CSMD3: variants seen among roughly 807,000 people sequenced by gnomAD.
CSMD3 encodes the protein CUB and sushi domain-containing protein 3.
Under a neutral mutation model 435.2 loss-of-function variants are expected in CSMD3, and 177 were observed. The ratio of observed to expected loss-of-function variants is 0.41; its 90% confidence interval spans 0.36 to 0.46. The LOEUF is 0.46. CSMD3 is among the 20% of genes least tolerant of loss of function. CSMD3 has a pLI of 0.34. For missense variants in CSMD3, 4,265 were observed against 4,504.6 expected (o/e 0.95, Z 1.52); for synonymous variants, 1,656 against 1,520.5 (o/e 1.09, Z -2.07).
intron 32 of CSMD3, among the ~76,000 whole-genome samples, chr8:112,448,423 A>C (rs1385322059): frequency 6.6e-6 from 1 of 152,126 alleles, no homozygotes; most frequent in Non-Finnish European, 1.5e-5. Context: ...GTGTCTTTAT[A>C]AGGAAAGGAA....
chr8:112,843,556 G>A (rs2080238637), intron 11 of CSMD3, among the ~76,000 whole-genome samples: 1 of 151,838 alleles, frequency 6.6e-6, no homozygotes, highest in South Asian at 2.1e-4. Context: ...TTCTAGAGTG[G>A]GCCAAATCTA....
intron 1 of CSMD3, among the ~76,000 whole-genome samples, chr8:113,392,765 TG>T (rs1210486669): frequency 6.6e-6 from 1 of 152,074 alleles, no homozygotes; most frequent in East Asian, 1.9e-4. Context: ...TAATATTTTA[TG>T]TTATAATTTA....
intron 5 of CSMD3, among the ~76,000 whole-genome samples, chr8:113,095,410 A>T (rs2131531465): frequency 6.6e-6 from 1 of 152,230 alleles, no homozygotes; most frequent in Admixed American, 6.5e-5. Context: ...CTCTTCTCCA[A>T]TTCTTTCTTC....
chr8:112,497,152 A>G (rs1821433883), intron 30 of CSMD3, among the ~76,000 whole-genome samples: 1 of 152,098 alleles, frequency 6.6e-6, no homozygotes, highest in South Asian at 2.1e-4. Context: ...TGTGGGAGAT[A>G]AAAATTGAAA....
At chr8:112,979,180 A>C (rs556610513) in intron 6 of CSMD3, among the ~76,000 whole-genome samples, 94 of 151,990 alleles carry the variant, frequency 6.2e-4, no homozygotes, top group Non-Finnish European at 1.2e-3. Context: ...TGTTAGTATA[A>C]AATAGATTTA....
chr8:112,569,235 A>G lies in CSMD3; in HGVS notation c.4042+4266T>C, dbSNP rs558253420. 2.6e-5 allele frequency among the ~76,000 whole-genome samples: 4 copies of G among 152,158 alleles called. No individual in the cohort carries two copies. In the South Asian group the frequency reaches 8.3e-4, roughly 32 times the overall value. ...CCAACTTGTGACCATGTCACCACAA[A>G]CATGAAAATAAAAAGTGAACCCTCT... is the stretch of plus-strand genomic sequence containing the variant. On this transcript the variant is annotated intron_variant, in intron 24 of 70. Transcript: ENST00000297405.
intron 32 of CSMD3, among the ~76,000 whole-genome samples, chr8:112,429,859 T>A (rs1015554263): frequency 1.3e-5 from 2 of 151,982 alleles, no homozygotes; most frequent in African/African-American, 4.8e-5. Context: ...TAATAAAAAC[T>A]TAAAGTTTAA....
intron 27 of CSMD3, 142 bp from the exon 28 acceptor site, chr8:112,517,367 A>T: frequency 1.6e-6 from 1 of 625,442 alleles, no homozygotes; most frequent in Non-Finnish European, 2.8e-6. Flanking sequence ...TCCATATTTT[A>T]AATAATTTAT....
At chr8:113,377,881 T>C (rs1464034726) in intron 1 of CSMD3, among the ~76,000 whole-genome samples, 1 of 152,196 alleles carries the variant, frequency 6.6e-6, no homozygotes, top group African/African-American at 2.4e-5. Flanking sequence ...TATTAAAATA[T>C]ATTTTCTAAA....
chr8:112,791,951 A>G (rs542971045), intron 13 of CSMD3, among the ~76,000 whole-genome samples: 9 of 152,266 alleles, frequency 5.9e-5, no homozygotes, highest in African/African-American at 2.2e-4. Flanking sequence ...TGTAATTTAC[A>G]TTACCTTAAT....
intron 20 of CSMD3, among the ~76,000 whole-genome samples, chr8:112,642,371 T>C (rs182765440): frequency 3.3e-5 from 5 of 152,268 alleles, no homozygotes; most frequent in East Asian, 3.9e-4. Context: ...ATGGTGTCCT[T>C]GTAAATAAGG....
At chr8:112,787,718 T>C (rs1197556173) in intron 13 of CSMD3, among the ~76,000 whole-genome samples, 1 of 151,968 alleles carries the variant, frequency 6.6e-6, no homozygotes, top group Non-Finnish European at 1.5e-5. Flanking sequence ...TCTCACTCAT[T>C]TGTGGAAGCT....
intron 1 of CSMD3, among the ~76,000 whole-genome samples, chr8:113,390,330 T>C (rs1165017238): frequency 2.6e-5 from 4 of 151,816 alleles, no homozygotes; most frequent in African/African-American, 9.7e-5. Flanking sequence ...AGTATTTCAC[T>C]GACCCAGGAG....
chr8:113,214,413 C>T (rs1264849684), intron 3 of CSMD3, among the ~76,000 whole-genome samples: 1 of 151,672 alleles, frequency 6.6e-6, no homozygotes, highest in Non-Finnish European at 1.5e-5. Context: ...AATGCATGTT[C>T]GGTTATTTGA....
At position 112,897,291 on chromosome 8, in the gene CSMD3, T is replaced by G. The variant is rs115003393; in HGVS notation, c.1633+24336A>C. Among the ~76,000 whole-genome samples, 453 of 151,542 alleles carry G rather than the reference T, an allele frequency of 3.0e-3. 1 individual carries two copies. The highest frequency in any genetic ancestry group is 0.01 in the African/African-American group (419 of 41,460). ...AGAGACCATGTCCATTATTTGTCAATGTTTTATTCCCAGAACATACTCTAG... is the reference window on the plus strand; with the variant it reads ...AGAGACCATGTCCATTATTTGTCAAGGTTTTATTCCCAGAACATACTCTAG... On this transcript the variant is annotated intron_variant, in intron 10 of 70. Coordinates refer to ENST00000297405, the MANE Select transcript of CSMD3 (RefSeq NM_198123.2).
At chr8:113,121,351 G>A (rs934648401) in intron 4 of CSMD3, among the ~76,000 whole-genome samples, 2 of 152,052 alleles carry the variant, frequency 1.3e-5, no homozygotes, top group Admixed American at 1.3e-4. Flanking sequence ...TGCTTCCAGT[G>A]TATATTATTA....
chr8:112,329,437 G>GA (rs1042478800), intron 45 of CSMD3, among the ~76,000 whole-genome samples: 4 of 151,884 alleles, frequency 2.6e-5, no homozygotes, highest in African/African-American at 4.8e-5. Flanking sequence ...CCACCTTCTA[G>GA]AAAAAATACT....
At chr8:112,945,697 T>A (rs2083588472) in intron 9 of CSMD3, among the ~76,000 whole-genome samples, 1 of 151,426 alleles carries the variant, frequency 6.6e-6, no homozygotes, top group Non-Finnish European at 1.5e-5. Context: ...ATATCTTCAG[T>A]CCATATTAGG....
At chr8:112,922,669 C>T (rs923949383) in intron 9 of CSMD3, among the ~76,000 whole-genome samples, 1 of 151,980 alleles carries the variant, frequency 6.6e-6, no homozygotes, top group Non-Finnish European at 1.5e-5. Flanking sequence ...ATAACAATCT[C>T]CAGTTCCACC....
Sources: allele counts gnomAD v4.1 joint callset (sites outside exome capture counted in the v4.1 genomes callset), GRCh38; gene constraint gnomAD v4.1.1; transcripts MANE v1.5; gene names NCBI Gene and HGNC (gene_info 2026-07-23, HGNC 2026-07-21).